The following THRB variants were observed in gnomAD, a reference collection of about 807,000 sequenced individuals.
THRB encodes nuclear receptor subfamily 1 group A member 2.
In THRB, 12 loss-of-function variants were observed where a neutral mutation model predicts 47.8. That is an observed-to-expected ratio of 0.25 (90% confidence interval 0.16 to 0.41). The LOEUF is 0.41. Among genes scored for constraint, THRB ranks in the 10% least tolerant of loss-of-function variants. THRB has a pLI of 1.00. For synonymous variants in THRB, 218 were observed against 212.2 expected (o/e 1.03, Z -0.24); for missense variants, 348 against 589.2 (o/e 0.59, Z 4.24).
intron 1 of THRB, among the ~76,000 whole-genome samples, chr3:24,357,994 T>C (rs1474286116): frequency 6.6e-6 from 1 of 152,186 alleles, no homozygotes; most frequent in Non-Finnish European, 1.5e-5. Flanking sequence ...CATTTATGTC[T>C]GTTGACTAGA....
chr3:24,493,566 A>C (rs1251479216), intron 1 of THRB, among the ~76,000 whole-genome samples: 2 of 152,230 alleles, frequency 1.3e-5, no homozygotes, highest in South Asian at 4.1e-4. Context: ...AGGTATTTCA[A>C]ATATATTTAC....
chr3:24,159,481 T>C (rs903524393), intron 5 of THRB, among the ~76,000 whole-genome samples: 1 of 152,202 alleles, frequency 6.6e-6, no homozygotes, highest in East Asian at 1.9e-4. Flanking sequence ...CACGTATATA[T>C]GGTTATGTAG....
intron 1 of THRB, among the ~76,000 whole-genome samples, chr3:24,379,637 G>A (rs1203891989): frequency 6.6e-6 from 1 of 152,022 alleles, no homozygotes; most frequent in East Asian, 1.9e-4. Flanking sequence ...GACTCGGCAA[G>A]TAGATTTGAG....
chr3:24,394,451 C>A (rs2066802958), intron 1 of THRB, among the ~76,000 whole-genome samples: 2 of 152,084 alleles, frequency 1.3e-5, no homozygotes, highest in South Asian at 4.1e-4. Context: ...TCCTGGGGAA[C>A]TGTTTCTAAT....
chr3:24,313,268 T>C (rs1207435539), intron 2 of THRB, among the ~76,000 whole-genome samples: 2 of 152,144 alleles, frequency 1.3e-5, no homozygotes, highest in African/African-American at 4.8e-5. Flanking sequence ...TCTGCACCAC[T>C]CATCTTTTCA....
chr3:24,432,014 A>G (rs1328570800), intron 1 of THRB, among the ~76,000 whole-genome samples: 1 of 152,078 alleles, frequency 6.6e-6, no homozygotes, highest in Non-Finnish European at 1.5e-5. Context: ...TGATAAACAG[A>G]AAATTGATAA....
intron 3 of THRB, among the ~76,000 whole-genome samples, chr3:24,276,369 A>G (rs1422124594): frequency 3.3e-5 from 5 of 152,230 alleles, no homozygotes; most frequent in African/African-American, 4.8e-5. Context: ...AACATTTATT[A>G]AGCACTTTTC....
intron 3 of THRB, among the ~76,000 whole-genome samples, chr3:24,293,782 G>A (rs550466617): frequency 1.2e-4 from 19 of 152,294 alleles, no homozygotes; most frequent in African/African-American, 3.1e-4. Flanking sequence ...TGATCAGTGC[G>A]GCAAAGCAGA....
intron 4 of THRB, among the ~76,000 whole-genome samples, chr3:24,212,981 G>A (rs576451719): frequency 6.6e-6 from 1 of 152,286 alleles, no homozygotes; most frequent in South Asian, 2.1e-4. Context: ...CTGGGGAGTG[G>A]CAAACAATGC....
At chr3:24,323,557 G>A (rs1469939589) in intron 2 of THRB, among the ~76,000 whole-genome samples, 2 of 152,188 alleles carry the variant, frequency 1.3e-5, no homozygotes, top group African/African-American at 2.4e-5. Context: ...CAGCTCCCTG[G>A]TGGGGCCAAT....
Position 24,119,713 on chromosome 3 carries a change from G to A in THRB, c.*3171C>T, listed in dbSNP as rs1182085978. On this transcript the variant is annotated 3_prime_UTR_variant, in exon 11 of 11. Coordinates refer to ENST00000646209, the MANE Select transcript of THRB (RefSeq NM_001354712.2). ...CTGGGCTGAGGCATCAACAGGTCAAGCGCGTCATTGAGGACCGAGGCTCTA... is the reference window on the plus strand; with the variant it reads ...CTGGGCTGAGGCATCAACAGGTCAAACGCGTCATTGAGGACCGAGGCTCTA... 2.0e-5 allele frequency: 3 copies of A among 152,252 alleles called. No homozygotes were observed. Among genetic ancestry groups the A allele is most frequent in the East Asian group, 1.9e-4 (1 of 5,190 alleles). 9.4% of individuals were successfully genotyped at this position (152,252 alleles called of 1,614,324 possible). A position where few individuals can be genotyped will look rare whatever the true frequency, so the allele number is the denominator to read the frequency against.
At chr3:24,278,590 C>G (rs58328805) in intron 3 of THRB, among the ~76,000 whole-genome samples, 8,174 of 152,162 alleles carry the variant, frequency 0.054, 707 homozygotes, top group African/African-American at 0.18. Flanking sequence ...GAAAAGAAAG[C>G]CATATCACAA....
intron 2 of THRB, among the ~76,000 whole-genome samples, chr3:24,326,312 T>G (rs776979463): frequency 6.6e-6 from 1 of 152,220 alleles, no homozygotes; most frequent in Admixed American, 6.5e-5. Flanking sequence ...CTCGGCTCAC[T>G]GCAACCTCCG....
chr3:24,492,987 A>T (rs558338981), intron 1 of THRB, among the ~76,000 whole-genome samples: 1 of 152,384 alleles, frequency 6.6e-6, no homozygotes, highest in East Asian at 1.9e-4. Flanking sequence ...AACCTCTGAG[A>T]TCAGGTAAAA....
chr3:24,236,922 C>G (rs1383190029), intron 3 of THRB, among the ~76,000 whole-genome samples: 1 of 152,158 alleles, frequency 6.6e-6, no homozygotes, highest in African/African-American at 2.4e-5. Context: ...CAGTTAAGAA[C>G]TCAAATAGGA....
chr3:24,311,885 G>C (rs887382431), intron 2 of THRB, among the ~76,000 whole-genome samples: 3 of 152,100 alleles, frequency 2.0e-5, no homozygotes, highest in Non-Finnish European at 4.4e-5. Flanking sequence ...TCATTTACTA[G>C]TAGTAGGTCC....
At chr3:24,358,600 T>C (rs2063851990) in intron 1 of THRB, among the ~76,000 whole-genome samples, 2 of 152,180 alleles carry the variant, frequency 1.3e-5, no homozygotes, top group Admixed American at 1.3e-4. Flanking sequence ...CACTATACTT[T>C]CCAGTCCCTA....
chr3:24,429,157 G>T (rs1027793855), intron 1 of THRB, among the ~76,000 whole-genome samples: 1 of 151,474 alleles, frequency 6.6e-6, no homozygotes, highest in Non-Finnish European at 1.5e-5. Flanking sequence ...ACTATTAAAA[G>T]AAAATTATGA....
chr3:24,145,626 C>A (rs2035984187), intron 7 of THRB, among the ~76,000 whole-genome samples: 1 of 152,120 alleles, frequency 6.6e-6, no homozygotes, highest in Non-Finnish European at 1.5e-5. Context: ...GGATTTCCAG[C>A]CTAACACTCT....
Sources: allele counts gnomAD v4.1 joint callset (sites outside exome capture counted in the v4.1 genomes callset), GRCh38; gene constraint gnomAD v4.1.1; transcripts MANE v1.5; gene names NCBI Gene and HGNC (gene_info 2026-07-23, HGNC 2026-07-21).